NEK1: variants seen among roughly 807,000 people sequenced by gnomAD.
NEK1 encodes NIMA related kinase 1, also known as serine/threonine-protein kinase Nek1.
In NEK1, 137 loss-of-function variants were observed where a neutral mutation model predicts 182.1. That is an observed-to-expected ratio of 0.75 (90% CI 0.65 to 0.87). NEK1 has a LOEUF of 0.87. NEK1 is among the 40% of genes least tolerant of loss of function. The probability of loss-of-function intolerance (pLI) is 0.00; values close to 1 mark genes in which losing one functional copy is unlikely to be tolerated. For synonymous variants in NEK1, 513 were observed against 492.2 expected (o/e 1.04, Z -0.56); for missense variants, 1,391 against 1,494.4 (o/e 0.93, Z 1.14).
intron 24 of NEK1, among the ~76,000 whole-genome samples, chr4:169,478,060 C>G (rs1747294595): frequency 1.3e-5 from 2 of 151,954 alleles, no homozygotes; most frequent in South Asian, 4.1e-4. Context: ...CTACAAATGA[C>G]ATAAATGTTA....
rs986879856 is a variant in NEK1, at chr4:169,518,607, AT to A, written c.1666-9756del. ...TTTTAATTGTGATGTTAGGGTGTCAATTTTGGATCTTTCCTGCTTTCTCTTG... is the reference window on the plus strand; with the variant it reads ...TTTTAATTGTGATGTTAGGGTGTCAATTTGGATCTTTCCTGCTTTCTCTTG... On this transcript the variant is annotated intron_variant, in intron 19 of 35. Coordinates refer to ENST00000507142, the MANE Select transcript of NEK1 (RefSeq NM_001199397.3). Among the ~76,000 whole-genome samples, 3 of 99,806 alleles carry A rather than the reference AT, an allele frequency of 3.0e-5. 1 individual carries two copies. The highest frequency in any genetic ancestry group is 2.0e-4 in the African/African-American group (3 of 15,054). The allele number at this position is 99,806 out of a possible 152,430, so 65.5% of individuals were successfully genotyped here. A position where few individuals can be genotyped will look rare whatever the true frequency, so the allele number is the denominator to read the frequency against.
chr4:169,431,675 T>TA (rs1291431714), intron 29 of NEK1, among the ~76,000 whole-genome samples: 5 of 151,830 alleles, frequency 3.3e-5, no homozygotes, highest in Non-Finnish European at 7.4e-5. Flanking sequence ...ATGTCAGTAA[T>TA]CCCAGCTCTT....
At position 169,521,496 on chromosome 4, in the gene NEK1, G is replaced by A. The variant is rs573112859; in HGVS notation, c.1666-12644C>T. Among the ~76,000 whole-genome samples, 8 of 152,160 alleles carry A rather than the reference G, an allele frequency of 5.3e-5. No individual in the cohort carries two copies. In the South Asian group the frequency reaches 1.0e-3, roughly 20 times the overall value. The stretch of plus-strand genomic sequence containing the variant: ...TCGCTCACGCTGGGAGCTGTAGACC[G>A]GAGCTGTTCCTATTCGGCCATCTTG... On this transcript the variant is annotated intron_variant, in intron 19 of 35. Transcript: ENST00000507142.
intron 27 of NEK1, among the ~76,000 whole-genome samples, chr4:169,441,131 A>G (rs1265189340): frequency 6.6e-6 from 1 of 152,156 alleles, no homozygotes; most frequent in African/African-American, 2.4e-5. Context: ...CACATTAGGA[A>G]GGCTGCCCCT....
chr4:169,561,272 T>C (rs994025782), intron 16 of NEK1, among the ~76,000 whole-genome samples: 3 of 152,194 alleles, frequency 2.0e-5, no homozygotes, highest in Non-Finnish European at 4.4e-5. Flanking sequence ...TAAAGCAATT[T>C]TGAGTATAGT....
At chr4:169,401,932 C>A in intron 32 of NEK1, 72 bp from the exon 33 acceptor site, 1 of 1,295,682 alleles carries the variant, frequency 7.7e-7, no homozygotes. Flanking sequence ...CTAAAACTAC[C>A]TCATACTGAA....
At chr4:169,466,278 T>C (rs1394706947) in intron 26 of NEK1, among the ~76,000 whole-genome samples, 2 of 151,998 alleles carry the variant, frequency 1.3e-5, no homozygotes, top group African/African-American at 4.8e-5. Context: ...TTTTTCAAGT[T>C]TGATGAAAAC....
Position 169,602,560 on chromosome 4 carries a change from G to T in NEK1, c.71C>A (p.Thr24Lys). ...SFGKAILVKS[T>K]EDGRQYVIKE... ...GATAACATACTGTCTGCCATCTTCT[G>T]TAGATTTAACAAGAATGGCTTTTCC... Residue 24 changes from threonine to lysine, a missense_variant, in exon 3 of 36, where the codon ACA becomes AAA. Physicochemically the swap from Thr to Lys is moderately conservative, Grantham distance 78. Around this residue, in one of 5 missense-constraint regions of NEK1, gnomAD observed 42 missense variants for 47.9 expected, o/e 0.88. Transcript: ENST00000507142. The T allele has an allele frequency of 6.2e-7, 1 of 1,607,766 alleles. No homozygotes were observed. The highest frequency in any genetic ancestry group is 8.5e-7 in the Non-Finnish European group (1 of 1,175,200).
chr4:169,467,976 C>T (rs985335267), intron 26 of NEK1, among the ~76,000 whole-genome samples: 1 of 151,776 alleles, frequency 6.6e-6, no homozygotes, highest in Non-Finnish European at 1.5e-5. Context: ...AATATAAAGA[C>T]ACATACAGAT....
chr4:169,546,745 C>T lies in NEK1; in HGVS notation c.1563-8834G>A, dbSNP rs376825818. 1.4e-4 allele frequency among the ~76,000 whole-genome samples: 21 copies of T among 152,294 alleles called. 1 individual carries two copies. In the South Asian group the frequency reaches 2.9e-3, roughly 21 times the overall value. On this transcript the variant is annotated intron_variant, in intron 18 of 35. Transcript: ENST00000507142. The stretch of plus-strand genomic sequence containing the variant: ...CATTACGCAATGCCCTTCTTTGTCT[C>T]GTTTGATCTTTGTTGGTTTAAAGTC...
chr4:169,507,128 T>G lies in NEK1; in HGVS notation c.1916A>C (p.His639Pro), dbSNP rs1295340811. Reference sequence around the variant, plus strand: ...TAGTACAGCAGCACGTGCATTTGCATGGGCCTAAAAATAAAAACAATTAAC... The same window carrying G: ...TAGTACAGCAGCACGTGCATTTGCAGGGGCCTAAAAATAAAAACAATTAAC... Reference protein sequence around the residue: ...RRKKIESLKAHANARAAVLKE... With the variant: ...RRKKIESLKAPANARAAVLKE... The change falls in exon 23 of 36, where the codon CAT becomes CCT. Residue 639 changes from histidine (H) to proline (P), a missense_variant. Transcript: ENST00000507142. 6.3e-7 allele frequency: 1 copy of G among 1,588,850 alleles called. No homozygotes were observed. Among genetic ancestry groups the G allele is most frequent in the Non-Finnish European group, 8.6e-7 (1 of 1,167,844 alleles).
At chr4:169,428,591 T>C (rs1456237585) in intron 29 of NEK1, among the ~76,000 whole-genome samples, 1 of 151,616 alleles carries the variant, frequency 6.6e-6, no homozygotes, top group African/African-American at 2.4e-5. Context: ...CGGGGGATGA[T>C]TGCTTAACAG....
At chr4:169,408,175 A>G (rs1361370804) in intron 31 of NEK1, among the ~76,000 whole-genome samples, 2 of 152,204 alleles carry the variant, frequency 1.3e-5, no homozygotes, top group Non-Finnish European at 1.5e-5. Context: ...AAATAATGCA[A>G]TATTTTTTAG....
chr4:169,546,803 C>CT (rs1032346531), intron 18 of NEK1, among the ~76,000 whole-genome samples: 3 of 152,204 alleles, frequency 2.0e-5, no homozygotes, highest in East Asian at 1.9e-4. Context: ...GCAACCCCTG[C>CT]TTTTTTTGTT....
chr4:169,407,007 A>G (rs925365192), intron 31 of NEK1, among the ~76,000 whole-genome samples: 1 of 152,088 alleles, frequency 6.6e-6, no homozygotes, highest in Non-Finnish European at 1.5e-5. Flanking sequence ...TTCACAGGAA[A>G]CTAAACTTGT....
chr4:169,424,604 A>C lies in NEK1; in HGVS notation c.3171T>G (p.Asn1057Lys). 6.2e-7 allele frequency: 1 copy of C among 1,612,538 alleles called. No homozygotes were observed. Among genetic ancestry groups the C allele is most frequent in the South Asian group, 1.1e-5 (1 of 90,926 alleles). The change falls in exon 31 of 36, where the codon AAT (asparagine) becomes AAG (lysine). Residue 1057 changes from asparagine to lysine, a missense_variant. Asn to Lys is a moderately conservative substitution (Grantham distance 94). Transcript: ENST00000507142. Reference sequence around the variant, plus strand: ...CAGTTGAAAGTCCAATCAGCAAGGAATTCTTGTTTTTATTTTTTGGTGGTA... The same window carrying C: ...CAGTTGAAAGTCCAATCAGCAAGGACTTCTTGTTTTTATTTTTTGGTGGTA... The part of the protein sequence containing the change: ...SHLPPKNKNK[N>K]SLLIGLSTGL...
At chr4:169,511,184 C>T (rs1210711661) in intron 19 of NEK1, among the ~76,000 whole-genome samples, 2 of 152,026 alleles carry the variant, frequency 1.3e-5, no homozygotes, top group African/African-American at 4.8e-5. Flanking sequence ...CATGCCCTAC[C>T]TTTTTTCTTT....
intron 23 of NEK1, among the ~76,000 whole-genome samples, chr4:169,493,463 A>C (rs1750508533): frequency 6.6e-6 from 1 of 152,230 alleles, no homozygotes; most frequent in African/African-American, 2.4e-5. Flanking sequence ...ATCTAAAATG[A>C]TACATAAAGA....
chr4:169,570,655 C>T (rs1305054556), intron 12 of NEK1, among the ~76,000 whole-genome samples: 1 of 152,184 alleles, frequency 6.6e-6, no homozygotes, highest in Non-Finnish European at 1.5e-5. Context: ...CTCTGCCCGG[C>T]CACCACCCCA....
Sources: gnomAD v4.1 joint callset for allele counts (sites outside exome capture counted in the v4.1 genomes callset) on GRCh38, gnomAD v4.1.1 for gene constraint, gnomAD v4.1.1 regional missense constraint, MANE v1.5 for transcripts, NCBI Gene and HGNC (gene_info 2026-07-23, HGNC 2026-07-21) for gene names.